Variants in DYM observed in about 807,000 individuals in gnomAD.
The protein encoded by DYM is dyggve-Melchior-Clausen syndrome protein.
In DYM, 78 loss-of-function variants were observed where a neutral mutation model predicts 93.1. The observed-to-expected ratio is 0.84, with a 90% CI of 0.70 to 1.01. The LOEUF is 1.01. Ranked by LOEUF, DYM falls within the 50% of genes least tolerant of loss-of-function variation. The pLI is 0.00. For synonymous variants in DYM, 321 were observed against 319.7 expected, an observed-to-expected ratio of 1.00 and a Z score of -0.04; for missense variants, 789 against 845.0, an observed-to-expected ratio of 0.93 and a Z score of 0.82.
intron 14 of DYM, among the ~76,000 whole-genome samples, chr18:49,204,207 G>T (rs1038120313): frequency 6.6e-6 from 1 of 152,176 alleles, no homozygotes; most frequent in Non-Finnish European, 1.5e-5. Context: ...AAGGACTTCA[G>T]TGTTAACATG....
intron 15 of DYM, among the ~76,000 whole-genome samples, chr18:49,124,071 G>A (rs528809249): frequency 3.9e-5 from 6 of 152,258 alleles, no homozygotes; most frequent in African/African-American, 1.4e-4. Flanking sequence ...CACATTGAGA[G>A]TTTGTTCTCA....
intron 6 of DYM, 96 bp downstream of exon 6, chr18:49,363,065 G>A: frequency 3.2e-6 from 3 of 946,060 alleles, no homozygotes; most frequent in Admixed American, 1.8e-5. Flanking sequence ...ACACATATAA[G>A]TTCTATACAA....
At chr18:49,097,828 G>A (rs1209125005) in intron 16 of DYM, among the ~76,000 whole-genome samples, 2 of 151,896 alleles carry the variant, frequency 1.3e-5, no homozygotes. Flanking sequence ...AAAGTCGGGA[G>A]AGAAAGCTAA....
intron 14 of DYM, among the ~76,000 whole-genome samples, chr18:49,198,084 A>G (rs377670959): frequency 6.6e-6 from 1 of 152,214 alleles, no homozygotes; most frequent in South Asian, 2.1e-4. Context: ...CCACACATCT[A>G]CAACCATCTG....
chr18:49,265,365 G>A (rs954760019), intron 11 of DYM, among the ~76,000 whole-genome samples: 1 of 152,222 alleles, frequency 6.6e-6, no homozygotes, highest in African/African-American at 2.4e-5. Flanking sequence ...AACAAGTTTG[G>A]TAGGTTTATT....
Position 49,109,029 on chromosome 18 carries a change from C to CT in DYM, c.1911+9714dup, listed in dbSNP as rs57905408. Among the ~76,000 whole-genome samples, 584 of 147,514 alleles carry CT rather than the reference C, an allele frequency of 4.0e-3. 3 individuals are homozygous for CT. Among genetic ancestry groups the CT allele is most frequent in the Middle Eastern group, 7.2e-3 (2 of 278 alleles). On this transcript the variant is annotated intron_variant, in intron 16 of 17. Transcript: ENST00000675505. ...TGCTATTAATATAGTCATCCTACCC[C>CT]TTTTTTTTTTTATTAATGCTTACGT... is the stretch of plus-strand genomic sequence containing the variant.
At chr18:49,330,661 G>C (rs1473696916) in intron 8 of DYM, among the ~76,000 whole-genome samples, 1 of 152,068 alleles carries the variant, frequency 6.6e-6, no homozygotes, top group Non-Finnish European at 1.5e-5. Flanking sequence ...AACCATATTG[G>C]AATATTGGGA....
Position 49,410,913 on chromosome 18 carries a change from T to C in DYM, c.141-19268A>G, listed in dbSNP as rs996082750. Among the ~76,000 whole-genome samples the C allele has an allele frequency of 2.0e-5, 3 of 152,340 alleles. No individual in the cohort carries two copies. The East Asian group carries it at 5.8e-4, about 29-fold the overall frequency. On this transcript the variant is annotated intron_variant, in intron 2 of 17. Transcript: ENST00000675505. ...TAACCTTCTACAAAAGAAATGTGTT[T>C]AAAGATGTTAGCATATTATTGTCCA...
At position 49,109,946 on chromosome 18, in the gene DYM, C is replaced by T. The variant is rs376299821; in HGVS notation, c.1911+8798G>A. On this transcript the variant is annotated intron_variant, in intron 16 of 17. Transcript: ENST00000675505. ...CTCATCCTTTGTGCTACTGCTGACACACATCTTACTTTTATATGTTATAAA... is the reference window on the plus strand; with the variant it reads ...CTCATCCTTTGTGCTACTGCTGACATACATCTTACTTTTATATGTTATAAA... Among the ~76,000 whole-genome samples the T allele has an allele frequency of 5.9e-5, 9 of 152,332 alleles. No homozygotes were observed. In the East Asian group the frequency reaches 1.5e-3, roughly 26 times the overall value.
intron 8 of DYM, among the ~76,000 whole-genome samples, chr18:49,316,292 A>C (rs1439382886): frequency 6.6e-6 from 1 of 152,112 alleles, no homozygotes; most frequent in African/African-American, 2.4e-5. Context: ...ACACACACAA[A>C]AAAAAATCAT....
chr18:49,447,060 CAAA>C (rs59079856), intron 1 of DYM, among the ~76,000 whole-genome samples: 1 of 98,430 alleles, frequency 1.0e-5, no homozygotes. Context: ...GACTCCATCA[CAAA>C]AAAAAAAAAA....
At chr18:49,279,399 C>T (rs1381872540) in intron 10 of DYM, among the ~76,000 whole-genome samples, 2 of 152,202 alleles carry the variant, frequency 1.3e-5, no homozygotes, top group Admixed American at 1.3e-4. Flanking sequence ...CAGATCAGCA[C>T]AGTAAATTTC....
chr18:49,161,483 AT>A (rs2087122446), intron 15 of DYM, among the ~76,000 whole-genome samples: 1 of 152,226 alleles, frequency 6.6e-6, no homozygotes. Flanking sequence ...TTGCTTATAA[AT>A]AACAAAACAT....
intron 14 of DYM, among the ~76,000 whole-genome samples, chr18:49,185,955 T>G (rs536013492): frequency 6.6e-5 from 10 of 152,310 alleles, no homozygotes; most frequent in African/African-American, 2.4e-4. Flanking sequence ...CCTTCCTGTT[T>G]AGTTTTTAAA....
intron 8 of DYM, among the ~76,000 whole-genome samples, chr18:49,291,906 C>A (rs1422295612): frequency 6.6e-6 from 1 of 152,112 alleles, no homozygotes; most frequent in East Asian, 1.9e-4. Flanking sequence ...TTATTTGTAT[C>A]ATTTTAAAAC....
intron 13 of DYM, among the ~76,000 whole-genome samples, chr18:49,211,244 G>C (rs1222935677): frequency 6.6e-6 from 1 of 152,076 alleles, no homozygotes; most frequent in Non-Finnish European, 1.5e-5. Context: ...ACCGCTCCAA[G>C]ATTTTAAAGT....
chr18:49,055,806 A>C (rs2075421109), intron 17 of DYM, among the ~76,000 whole-genome samples: 1 of 152,156 alleles, frequency 6.6e-6, no homozygotes, highest in Non-Finnish European at 1.5e-5. Flanking sequence ...CCTTCGTGAG[A>C]ATGGGAAGGC....
At chr18:49,205,506 A>G (rs1281242290) in intron 14 of DYM, among the ~76,000 whole-genome samples, 4 of 152,094 alleles carry the variant, frequency 2.6e-5, no homozygotes, top group Non-Finnish European at 4.4e-5. Flanking sequence ...TTTATAATTC[A>G]TATTTTTAAA....
chr18:49,164,219 T>G (rs915912248), intron 14 of DYM, among the ~76,000 whole-genome samples: 6 of 152,198 alleles, frequency 3.9e-5, no homozygotes, highest in African/African-American at 1.4e-4. Context: ...TCTATGGTTC[T>G]GTATTATAGC....
Sources: gnomAD v4.1 joint callset for allele counts (sites outside exome capture counted in the v4.1 genomes callset) on GRCh38, gnomAD v4.1.1 for gene constraint, MANE v1.5 for transcripts, NCBI Gene and HGNC (gene_info 2026-07-23, HGNC 2026-07-21) for gene names.